NLGN1: variants seen among roughly 807,000 people sequenced by gnomAD.
NLGN1 encodes the protein neuroligin 1, also known as neuroligin-1.
In NLGN1, 12 loss-of-function variants were observed where a neutral mutation model predicts 65.5. The ratio of observed to expected loss-of-function variants is 0.18; its 90% CI spans 0.12 to 0.30. NLGN1 has a LOEUF of 0.30. Among genes scored for constraint, NLGN1 ranks in the 10% least tolerant of loss-of-function variants. NLGN1 has a pLI of 1.00. For missense variants in NLGN1, 750 were observed against 1,007.1 expected (o/e 0.74, Z 3.46); for synonymous variants, 350 against 359.5 (o/e 0.97, Z 0.30).
intron 2 of NLGN1, among the ~76,000 whole-genome samples, chr3:173,517,850 T>C (rs943114593): frequency 6.6e-6 from 1 of 152,080 alleles, no homozygotes; most frequent in Non-Finnish European, 1.5e-5. Context: ...GCATGCCCTA[T>C]TTTCTAAACC....
intron 3 of NLGN1, among the ~76,000 whole-genome samples, chr3:173,768,917 C>T (rs756891024): frequency 6.6e-6 from 1 of 152,018 alleles, no homozygotes; most frequent in African/African-American, 2.4e-5. Flanking sequence ...GCTGGGACTA[C>T]AGGCACGTAC....
intron 4 of NLGN1, among the ~76,000 whole-genome samples, chr3:173,910,282 A>G (rs2152219234): frequency 6.6e-6 from 1 of 152,288 alleles, no homozygotes; most frequent in African/African-American, 2.4e-5. Flanking sequence ...AAGCCTTTTG[A>G]TGCTGCTGCT....
At chr3:173,747,902 C>A (rs1012736208) in intron 3 of NLGN1, among the ~76,000 whole-genome samples, 16 of 147,796 alleles carry the variant, frequency 1.1e-4, no homozygotes, top group Admixed American at 8.3e-4. Context: ...GAACCTCCAC[C>A]ACCTGGGTTT....
At chr3:174,137,434 T>A (rs1240245037) in intron 4 of NLGN1, among the ~76,000 whole-genome samples, 2 of 152,180 alleles carry the variant, frequency 1.3e-5, no homozygotes, top group African/African-American at 4.8e-5. Flanking sequence ...AGACTCTACC[T>A]AATTAACTAG....
rs1735552628 is a variant in NLGN1 at position 173,892,575 on chromosome 3, T to TG, written c.646+84743_646+84744insG. On this transcript the variant is annotated intron_variant, in intron 4 of 6. Coordinates refer to ENST00000457714, the Ensembl canonical transcript of NLGN1. ...TCAGAACCAGGAAAAGAAGGCAAAC[T>TG]AAAAAAAAAAAAAAAATGACAGTTA... is the stretch of plus-strand genomic sequence containing the variant. Among the ~76,000 whole-genome samples, 3 of 130,998 alleles carry TG rather than the reference T, an allele frequency of 2.3e-5. No homozygotes were observed. The South Asian group carries it at 7.2e-4, about 31-fold the overall frequency. 85.9% of individuals were successfully genotyped at this position (130,998 alleles called of 152,430 possible). A position where few individuals can be genotyped will look rare whatever the true frequency, so the allele number is the denominator to read the frequency against.
intron 4 of NLGN1, among the ~76,000 whole-genome samples, chr3:173,900,161 A>G (rs918978664): frequency 6.6e-6 from 1 of 152,100 alleles, no homozygotes; most frequent in African/African-American, 2.4e-5. Context: ...AAGAACTTAT[A>G]ATTATATTGT....
At chr3:173,570,210 T>C (rs1046409381) in intron 2 of NLGN1, among the ~76,000 whole-genome samples, 1 of 151,996 alleles carries the variant, frequency 6.6e-6, no homozygotes, top group Non-Finnish European at 1.5e-5. Context: ...CTATAGAAAT[T>C]AGAAAGGTGG....
chr3:174,012,095 T>A (rs1725675531), intron 4 of NLGN1, among the ~76,000 whole-genome samples: 1 of 152,154 alleles, frequency 6.6e-6, no homozygotes, highest in Non-Finnish European at 1.5e-5. Flanking sequence ...AGTTCTCTCC[T>A]TTTCTCTCCC....
chr3:173,453,334 G>C (rs1257176543), intron 2 of NLGN1, among the ~76,000 whole-genome samples: 1 of 151,626 alleles, frequency 6.6e-6, no homozygotes, highest in African/African-American at 2.4e-5. Context: ...CTAGGCTCAA[G>C]TGATCTTCCT....
chr3:173,892,694 G>T (rs1560574395), intron 4 of NLGN1, among the ~76,000 whole-genome samples: 1 of 149,172 alleles, frequency 6.7e-6, no homozygotes, highest in Non-Finnish European at 1.5e-5. Context: ...CACTCGTGGG[G>T]TTTCCATCCA....
chr3:173,750,605 T>G (rs1776181942), intron 3 of NLGN1, among the ~76,000 whole-genome samples: 1 of 152,122 alleles, frequency 6.6e-6, no homozygotes, highest in Non-Finnish European at 1.5e-5. Flanking sequence ...TAATTTTATG[T>G]CTATTGAGAA....
chr3:174,123,483 C>G (rs1295559037), intron 4 of NLGN1, among the ~76,000 whole-genome samples: 1 of 152,148 alleles, frequency 6.6e-6, no homozygotes, highest in African/African-American at 2.4e-5. Context: ...ATTCCCTTCA[C>G]AGTCCCCCAT....
rs981871712 is a variant in NLGN1 at position 173,431,950 on chromosome 3, T to G, written c.-389-3060T>G. On this transcript the variant is annotated intron_variant, in intron 1 of 6. Transcript: ENST00000457714. Reference sequence around the variant, plus strand: ...TTACTATTTCCATAGTTTTGGCTTTTTAAAAATGTCGTATATCTGAAATCA... The same window carrying G: ...TTACTATTTCCATAGTTTTGGCTTTGTAAAAATGTCGTATATCTGAAATCA... Among the ~76,000 whole-genome samples, 5 of 152,214 alleles carry G rather than the reference T, an allele frequency of 3.3e-5. No homozygotes were observed. The East Asian group carries it at 7.7e-4, about 23-fold the overall frequency.
chr3:174,006,393 C>A (rs1176796146), intron 4 of NLGN1, among the ~76,000 whole-genome samples: 1 of 152,210 alleles, frequency 6.6e-6, no homozygotes, highest in Admixed American at 6.5e-5. Flanking sequence ...TTTTCTTCCA[C>A]ACGTATCCCT....
chr3:173,537,486 GTGTGTGTGTGTGTGTGTGTGTT>G (rs1032596572), intron 2 of NLGN1, among the ~76,000 whole-genome samples: 2 of 146,310 alleles, frequency 1.4e-5, no homozygotes, highest in East Asian at 2.0e-4. Context: ...TTTGCTTAGT[GTGTGTGTGTGTGTGTGTGTGTT>G]TGTGTGTGTG....
At chr3:174,214,983 G>T (rs1191409908) in intron 4 of NLGN1, among the ~76,000 whole-genome samples, 1 of 152,050 alleles carries the variant, frequency 6.6e-6, no homozygotes, top group East Asian at 1.9e-4. Context: ...AGGGGAAAAT[G>T]GGTATTCAGT....
intron 2 of NLGN1, among the ~76,000 whole-genome samples, chr3:173,505,293 C>T (rs188862471): frequency 2.0e-4 from 31 of 152,210 alleles, no homozygotes; most frequent in Admixed American, 3.3e-4. Flanking sequence ...TTAACCCCTA[C>T]CTGGCTTACA....
At chr3:174,194,736 C>A (rs1450285220) in intron 4 of NLGN1, among the ~76,000 whole-genome samples, 1 of 143,064 alleles carries the variant, frequency 7.0e-6, no homozygotes, top group Admixed American at 7.2e-5. Flanking sequence ...ATAACATTAT[C>A]TTTTAGACCC....
chr3:173,546,571 A>G (rs1246698915), intron 2 of NLGN1, among the ~76,000 whole-genome samples: 1 of 152,198 alleles, frequency 6.6e-6, no homozygotes, highest in South Asian at 2.1e-4. Context: ...AGAAAAATGC[A>G]CATAAATTAT....
Sources: allele counts gnomAD v4.1 joint callset (sites outside exome capture counted in the v4.1 genomes callset), GRCh38; gene constraint gnomAD v4.1.1; transcripts MANE v1.5; gene names NCBI Gene and HGNC (gene_info 2026-07-23, HGNC 2026-07-21).